Variants in CFAP251 observed in about 807,000 individuals in gnomAD.
CFAP251 encodes cilia and flagella associated protein 251, also known as cilia- and flagella-associated protein 251.
CFAP251 carries 93 observed loss-of-function variants against 126.7 expected under a neutral mutation model. The ratio of observed to expected loss-of-function variants is 0.73; its 90% confidence interval spans 0.62 to 0.87. The LOEUF (loss-of-function observed/expected upper bound fraction) is 0.87. Among genes scored for constraint, CFAP251 ranks in the 40% least tolerant of loss-of-function variants. CFAP251 has a pLI of 0.00. For missense variants in CFAP251, 1,287 were observed against 1,389.2 expected, an observed-to-expected ratio of 0.93 and a Z score of 1.17; for synonymous variants, 503 against 506.9, an observed-to-expected ratio of 0.99 and a Z score of 0.10.
chr12:121,945,932 C>T (rs573233430), intron 7 of CFAP251, among the ~76,000 whole-genome samples: 188 of 152,252 alleles, frequency 1.2e-3, no homozygotes, highest in African/African-American at 4.3e-3. Context: ...TCCCAAAGTG[C>T]TGAGATTACA....
intron 3 of CFAP251, among the ~76,000 whole-genome samples, chr12:121,929,471 T>A (rs892883773): frequency 6.6e-6 from 1 of 152,144 alleles, no homozygotes; most frequent in Non-Finnish European, 1.5e-5. Context: ...TTAGCACTGA[T>A]GAGCCAATAC....
intron 9 of CFAP251, 119 bp from the exon 10 acceptor site, chr12:121,954,001 T>G: frequency 2.0e-6 from 2 of 983,572 alleles, no homozygotes; most frequent in Non-Finnish European, 3.0e-6. Flanking sequence ...AGTGATTGTT[T>G]TCTTTTTCTT....
At chr12:121,942,723 C>A in intron 6 of CFAP251, 78 bp downstream of exon 6, 1 of 1,299,852 alleles carries the variant, frequency 7.7e-7, no homozygotes, top group Non-Finnish European at 1.1e-6. Context: ...CAGCTCTGTT[C>A]AGGCTGGGCT....
intron 19 of CFAP251, among the ~76,000 whole-genome samples, chr12:121,980,420 T>G (rs1882592433): frequency 6.6e-6 from 1 of 151,644 alleles, no homozygotes; most frequent in South Asian, 2.1e-4. Flanking sequence ...TTTTTTTTTT[T>G]TTTTTGGAGA....
Position 121,934,188 on chromosome 12 carries a change from G to C in CFAP251, c.889-59G>C, listed in dbSNP as rs1047286603. On this transcript the variant is annotated intron_variant, in intron 4 of 21. Coordinates refer to ENST00000288912, the MANE Select transcript of CFAP251 (RefSeq NM_144668.6). ...TGTGGGTCCCCGGCCTTTGCTGATA[G>C]TGGCCAAGGCTGGGCCGCATCTTGG... The C allele has an allele frequency of 4.5e-5, 62 of 1,365,708 alleles. No individual in the cohort carries two copies. The African/African-American group carries it at 7.9e-4, about 17-fold the overall frequency. 84.6% of individuals were successfully genotyped at this position (1,365,708 alleles called of 1,614,324 possible). A position where few individuals can be genotyped will look rare whatever the true frequency, so the allele number is the denominator to read the frequency against.
Position 121,983,428 on chromosome 12 carries a change from A to G in CFAP251, c.3006+7743A>G, listed in dbSNP as rs116035543. ...AAAAAAAAAAGGTAAGGAAGTGTCT[A>G]ATTATTAAAGATGTACTCATTTGTT... On this transcript the variant is annotated intron_variant, in intron 19 of 21. Transcript: ENST00000288912. Among the ~76,000 whole-genome samples the G allele has an allele frequency of 8.2e-3, 1,242 of 152,028 alleles. 17 individuals are homozygous for G. Among genetic ancestry groups the G allele is most frequent in the African/African-American group, 0.028 (1,173 of 41,426 alleles).
rs916667891 is a variant in CFAP251 at position 121,918,964 on chromosome 12, A to G, written c.-21+269A>G. Among the ~76,000 whole-genome samples, 15 of 152,142 alleles carry G rather than the reference A, an allele frequency of 9.9e-5. No individual in the cohort carries two copies. Among genetic ancestry groups the G allele is most frequent in the Admixed American group, 7.9e-4 (12 of 15,274 alleles). ...GCGCCGGCGAAGTTGGGCTCAGTCA[A>G]AAGAGGCTCGGTGGTGAGAGCCCTA... On this transcript the variant is annotated intron_variant, in intron 1 of 21. Coordinates refer to ENST00000288912, the MANE Select transcript of CFAP251 (RefSeq NM_144668.6). This position sits in a 1 kb window ranked among gnomAD's most constrained non-coding sequence, Gnocchi z 4.3.
rs569850134 is a variant in CFAP251 at position 121,923,042 on chromosome 12, G to A, written c.379-580G>A. Reference sequence around the variant, plus strand: ...GATCTCCTGACCTCGTGATCTGCCCGCCTCGGCCTCCCAAAGTGCTGGGAT... The same window carrying A: ...GATCTCCTGACCTCGTGATCTGCCCACCTCGGCCTCCCAAAGTGCTGGGAT... On this transcript the variant is annotated intron_variant, in intron 2 of 21. Coordinates refer to ENST00000288912, the MANE Select transcript of CFAP251 (RefSeq NM_144668.6). Among the ~76,000 whole-genome samples the A allele has an allele frequency of 1.4e-4, 21 of 152,020 alleles. No individual in the cohort carries two copies. The East Asian group carries it at 1.9e-3, about 14-fold the overall frequency.
chr12:121,978,766 A>G (rs1882545001), intron 19 of CFAP251, among the ~76,000 whole-genome samples: 1 of 152,154 alleles, frequency 6.6e-6, no homozygotes, highest in Non-Finnish European at 1.5e-5. Flanking sequence ...ACTTAATTGG[A>G]CCACTCTCCA....
At chr12:121,921,213 G>A in intron 1 of CFAP251, 73 bp from the exon 2 acceptor site, 2 of 1,453,146 alleles carry the variant, frequency 1.4e-6, no homozygotes, top group Non-Finnish European at 1.8e-6. Context: ...CATTTCATCA[G>A]TAGGTTAGTG....
intron 16 of CFAP251, among the ~76,000 whole-genome samples, chr12:121,967,682 A>G (rs1039921824): frequency 6.6e-6 from 1 of 152,208 alleles, no homozygotes; most frequent in Non-Finnish European, 1.5e-5. Flanking sequence ...AGCCTGGACG[A>G]CAGAGTGAGA....
chr12:122,000,270 G>A (rs1190940631), intron 20 of CFAP251, among the ~76,000 whole-genome samples: 1 of 152,188 alleles, frequency 6.6e-6, no homozygotes, highest in Non-Finnish European at 1.5e-5. Context: ...TTTGGGTTGG[G>A]GCCGGGCGCA....
chr12:121,948,654 A>G (rs964429566), intron 7 of CFAP251: 1 of 181,540 alleles, frequency 5.5e-6, no homozygotes, highest in African/African-American at 2.4e-5. Flanking sequence ...CAGGAGATAG[A>G]GGCTGCAGTG....
intron 3 of CFAP251, among the ~76,000 whole-genome samples, chr12:121,929,231 GA>G (rs1240114890): frequency 6.6e-6 from 1 of 150,910 alleles, no homozygotes; most frequent in Non-Finnish European, 1.5e-5. Flanking sequence ...TGAGGCAGGA[GA>G]CTCTCTTGAA....
At chr12:121,965,570 T>C (rs1882091834) in intron 15 of CFAP251, among the ~76,000 whole-genome samples, 2 of 152,054 alleles carry the variant, frequency 1.3e-5, no homozygotes, top group African/African-American at 4.8e-5. Context: ...TGGAACACGA[T>C]GCTGCTTTTA....
chr12:121,954,318 CT>C lies in CFAP251; in HGVS notation c.1521del (p.Thr508ProfsTer32). ...TTTGCAGAAAGAGGGTATCACGGTA[CT>C]TACCACAATTGATAGGTAATTTTAA... ...VHLQKEGITVLTTIDSYIVTG... is the reference protein window; with the variant it reads ...VHLQKEGITVXTTIDSYIVTG... On this transcript the variant is annotated frameshift_variant, in exon 10 of 22. Coordinates refer to ENST00000288912, the MANE Select transcript of CFAP251 (RefSeq NM_144668.6). LOFTEE classifies it high-confidence loss of function. 1.2e-6 allele frequency: 2 copies of C among 1,612,248 alleles called. No individual in the cohort carries two copies. The highest frequency in any genetic ancestry group is 1.7e-6 in the Non-Finnish European group (2 of 1,179,020).
chr12:121,929,664 C>T (rs1880598380), intron 3 of CFAP251, among the ~76,000 whole-genome samples: 1 of 151,854 alleles, frequency 6.6e-6, no homozygotes, highest in Admixed American at 6.6e-5. Flanking sequence ...CTCCCCTGAG[C>T]CCTGGCAACC....
rs541115496 is a variant in CFAP251 at position 121,931,370 on chromosome 12, T to C, written c.748-376T>C. On this transcript the variant is annotated intron_variant, in intron 3 of 21. Coordinates refer to ENST00000288912, the MANE Select transcript of CFAP251 (RefSeq NM_144668.6). ...CACTGTCGCCCGGGCTGGAGTGCGA[T>C]GGCGCGATCTCGGCTCACTGCAACC... Among the ~76,000 whole-genome samples, 90 of 152,228 alleles carry C rather than the reference T, an allele frequency of 5.9e-4. 1 individual carries two copies. The South Asian group carries it at 0.018, about 30-fold the overall frequency.
At chr12:121,922,340 C>T (rs1044117539) in intron 2 of CFAP251, among the ~76,000 whole-genome samples, 11 of 151,470 alleles carry the variant, frequency 7.3e-5, no homozygotes, top group African/African-American at 2.4e-4. Flanking sequence ...AAACTCTTGA[C>T]CTCAGGTGAT....
Sources: gnomAD v4.1 joint callset for allele counts (sites outside exome capture counted in the v4.1 genomes callset) on GRCh38, gnomAD v4.1.1 for gene constraint, Gnocchi (gnomAD v3.1) non-coding constraint, MANE v1.5 for transcripts, NCBI Gene and HGNC (gene_info 2026-07-23, HGNC 2026-07-21) for gene names.